Variants in PTPRT observed in about 807,000 individuals in gnomAD.
PTPRT encodes receptor-type tyrosine-protein phosphatase T.
Under a neutral mutation model 176.8 loss-of-function variants are expected in PTPRT, and 56 were observed. The ratio of observed to expected loss-of-function variants is 0.32; its 90% confidence interval spans 0.26 to 0.40. The LOEUF (loss-of-function observed/expected upper bound fraction) is 0.40. PTPRT is among the 10% of genes least tolerant of loss of function. PTPRT has a pLI of 1.00. For synonymous variants in PTPRT, 783 were observed against 739.0 expected, an observed-to-expected ratio of 1.06 and a Z score of -0.96; for missense variants, 1,540 against 1,908.2, an observed-to-expected ratio of 0.81 and a Z score of 3.60.
chr20:42,087,006 G>A (rs1435858831), intron 27 of PTPRT, among the ~76,000 whole-genome samples: 1 of 151,498 alleles, frequency 6.6e-6, no homozygotes, highest in Non-Finnish European at 1.5e-5. Flanking sequence ...GTTTAAGACA[G>A]TGGTTCTCAG....
chr20:42,691,041 G>A (rs2075785351), intron 6 of PTPRT, among the ~76,000 whole-genome samples: 1 of 152,202 alleles, frequency 6.6e-6, no homozygotes, highest in Non-Finnish European at 1.5e-5. Context: ...CTAGCCTCCT[G>A]AGATGCCCCC....
intron 7 of PTPRT, among the ~76,000 whole-genome samples, chr20:42,495,982 C>A (rs1436720536): frequency 6.6e-6 from 1 of 152,074 alleles, no homozygotes; most frequent in African/African-American, 2.4e-5. Context: ...ATAACATGAA[C>A]AGTTGGTTAA....
chr20:42,645,509 CG>C (rs2074872131), intron 7 of PTPRT, among the ~76,000 whole-genome samples: 1 of 152,034 alleles, frequency 6.6e-6, no homozygotes, highest in African/African-American at 2.4e-5. Context: ...GGATCACCTC[CG>C]AAGGAAATGA....
chr20:42,725,358 T>C (rs1050044162), intron 6 of PTPRT, among the ~76,000 whole-genome samples: 1 of 151,916 alleles, frequency 6.6e-6, no homozygotes, highest in Non-Finnish European at 1.5e-5. Context: ...GCAGGTGCCT[T>C]GAGAATGTTT....
intron 1 of PTPRT, among the ~76,000 whole-genome samples, chr20:42,970,458 C>T (rs553985636): frequency 2.6e-4 from 39 of 152,270 alleles, no homozygotes; most frequent in Non-Finnish European, 3.5e-4. Flanking sequence ...TGGAGCTAGA[C>T]AGGTTGTGCT....
intron 17 of PTPRT, among the ~76,000 whole-genome samples, chr20:42,159,506 A>C (rs1293126514): frequency 6.6e-6 from 1 of 151,968 alleles, no homozygotes; most frequent in Non-Finnish European, 1.5e-5. Flanking sequence ...GTCTGCATAC[A>C]CACACAGAAA....
intron 11 of PTPRT, among the ~76,000 whole-genome samples, chr20:42,336,006 G>T (rs892278649): frequency 1.3e-5 from 2 of 152,128 alleles, no homozygotes; most frequent in African/African-American, 4.8e-5. Context: ...GTAAAATAGG[G>T]ATAACACTAG....
chr20:43,056,557 C>A (rs1987241545), intron 1 of PTPRT, among the ~76,000 whole-genome samples: 1 of 152,170 alleles, frequency 6.6e-6, no homozygotes, highest in East Asian at 1.9e-4. Flanking sequence ...CGGTCTGTTG[C>A]TGAAGCAAGA....
intron 1 of PTPRT, among the ~76,000 whole-genome samples, chr20:42,975,330 G>A (rs1346457076): frequency 6.6e-6 from 1 of 152,012 alleles, no homozygotes; most frequent in Non-Finnish European, 1.5e-5. Context: ...TTTACAGCAT[G>A]ATTTCAATTA....
chr20:42,866,676 C>T (rs2078751938), intron 2 of PTPRT, among the ~76,000 whole-genome samples: 1 of 152,164 alleles, frequency 6.6e-6, no homozygotes, highest in South Asian at 2.1e-4. Context: ...GTGGCCCCAA[C>T]CTCCCTTCTC....
chr20:42,093,620 A>G (rs566545375), intron 27 of PTPRT, among the ~76,000 whole-genome samples: 37 of 152,192 alleles, frequency 2.4e-4, no homozygotes, highest in African/African-American at 8.4e-4. Context: ...CCAATCCCCA[A>G]CGTACGCTCT....
At chr20:42,099,311 T>C (rs1985626626) in intron 26 of PTPRT, among the ~76,000 whole-genome samples, 2 of 151,952 alleles carry the variant, frequency 1.3e-5, no homozygotes, top group African/African-American at 4.8e-5. Context: ...AAATCATAAA[T>C]CCAAAGGAAT....
intron 6 of PTPRT, among the ~76,000 whole-genome samples, chr20:42,730,546 GGTGT>G (rs1368329793): frequency 6.6e-6 from 1 of 152,194 alleles, no homozygotes; most frequent in East Asian, 1.9e-4. Flanking sequence ...AGCAGTTCAG[GGTGT>G]GTGGTTACCT....
intron 2 of PTPRT, among the ~76,000 whole-genome samples, chr20:42,882,335 GA>G (rs2079023373): frequency 6.6e-6 from 1 of 152,150 alleles, no homozygotes; most frequent in Non-Finnish European, 1.5e-5. Context: ...CCTCTATTTA[GA>G]AAAGCCCAGA....
At chr20:43,059,256 A>T (rs1233102833) in intron 1 of PTPRT, among the ~76,000 whole-genome samples, 1 of 152,224 alleles carries the variant, frequency 6.6e-6, no homozygotes, top group Admixed American at 6.5e-5. Context: ...GTATAGGCTG[A>T]GAATTTTTCA....
chr20:42,646,076 C>T (rs751342644), intron 7 of PTPRT, among the ~76,000 whole-genome samples: 17 of 152,072 alleles, frequency 1.1e-4, no homozygotes, highest in South Asian at 4.1e-4. Context: ...CTTACCCAGC[C>T]ACTATACCCA....
rs373502958 is a variant in PTPRT, at chr20:43,088,754, G to A, written c.88+100892C>T. 8.5e-5 allele frequency among the ~76,000 whole-genome samples: 13 copies of A among 152,154 alleles called. No individual in the cohort carries two copies. In the East Asian group the frequency reaches 1.7e-3, roughly 20 times the overall value. On this transcript the variant is annotated intron_variant, in intron 1 of 30. Transcript: ENST00000373187. ...CCTTGCTTGTTACCAGTGGATCTGC[G>A]AAACTTTCAGAACATCCATCCTGGA...
chr20:42,634,088 TATA>T (rs1236523363), intron 7 of PTPRT, among the ~76,000 whole-genome samples: 2 of 47,012 alleles, frequency 4.3e-5, no homozygotes, highest in African/African-American at 2.0e-4. Context: ...ATATATATAA[TATA>T]ATAATATATA....
At chr20:43,176,863 T>A (rs1437487958) in intron 1 of PTPRT, among the ~76,000 whole-genome samples, 1 of 152,106 alleles carries the variant, frequency 6.6e-6, no homozygotes, top group African/African-American at 2.4e-5. Context: ...ATAGCAAAAA[T>A]TGGGATGCTT....
Sources: allele counts gnomAD v4.1 joint callset (sites outside exome capture counted in the v4.1 genomes callset), GRCh38; gene constraint gnomAD v4.1.1; transcripts MANE v1.5; gene names NCBI Gene and HGNC (gene_info 2026-07-23, HGNC 2026-07-21).